The following NXPE2 variants were observed in gnomAD, a reference collection of about 807,000 sequenced individuals.
NXPE2 encodes NXPE family member 2.
NXPE2 carries 34 observed loss-of-function variants against 34.4 expected under a neutral mutation model. The observed-to-expected ratio is 0.99, with a 90% CI of 0.75 to 1.31. The LOEUF (loss-of-function observed/expected upper bound fraction) is 1.31. Among genes scored for constraint, NXPE2 ranks in the 40% most tolerant of loss-of-function variants. The probability of loss-of-function intolerance (pLI) is 0.00; values close to 1 mark genes in which losing one functional copy is unlikely to be tolerated. For missense variants in NXPE2, 649 were observed against 672.5 expected (o/e 0.97, Z 0.39); for synonymous variants, 235 against 231.3 (o/e 1.02, Z -0.15).
At chr11:114,778,054 G>T in the NXPE2 span, among the ~76,000 whole-genome samples, 4 of 152,214 alleles carry the variant, frequency 2.6e-5, no homozygotes, top group African/African-American at 9.7e-5. Flanking sequence ...TTTCAAAGAA[G>T]TGTAGTATTC....
chr11:114,601,916 A>ATATATTATATTATATTTATATATAT, the NXPE2 span, among the ~76,000 whole-genome samples: 4 of 32,842 alleles, frequency 1.2e-4, no homozygotes, highest in Non-Finnish European at 2.0e-4. Flanking sequence ...TTATATAATT[A>ATATATTATATTATATTTATATATAT]TATATAATAT....
chr11:114,775,927 G>C, the NXPE2 span, among the ~76,000 whole-genome samples: 4 of 151,546 alleles, frequency 2.6e-5, no homozygotes, highest in Non-Finnish European at 4.4e-5. Flanking sequence ...GAATGAATCT[G>C]TTCCTGTGGG....
At chr11:114,724,478 T>C in the NXPE2 span, among the ~76,000 whole-genome samples, 4 of 152,166 alleles carry the variant, frequency 2.6e-5, no homozygotes, top group South Asian at 2.1e-4. Context: ...AAAATAACAT[T>C]GTCAGCCTTT....
chr11:114,514,579 A>G, the NXPE2 span, among the ~76,000 whole-genome samples: 1 of 151,878 alleles, frequency 6.6e-6, no homozygotes, highest in Non-Finnish European at 1.5e-5. Flanking sequence ...TGTAGGAATG[A>G]GGTCTCACTA....
chr11:114,783,008 G>A, the NXPE2 span, among the ~76,000 whole-genome samples: 213 of 152,264 alleles, frequency 1.4e-3, 2 homozygotes, highest in African/African-American at 4.4e-3. Flanking sequence ...CGCATAACTC[G>A]AAATCTCACC....
At chr11:114,783,237 T>C in the NXPE2 span, among the ~76,000 whole-genome samples, 6 of 152,210 alleles carry the variant, frequency 3.9e-5, no homozygotes, top group Non-Finnish European at 8.8e-5. Flanking sequence ...TTGCCCAAAG[T>C]AACCATAAAA....
chr11:114,557,993 G>C, the NXPE2 span, among the ~76,000 whole-genome samples: 3 of 151,752 alleles, frequency 2.0e-5, no homozygotes, highest in Non-Finnish European at 4.4e-5. Context: ...ACTGCCCTTT[G>C]TTCCTCTCTT....
chr11:114,466,135 G>A, the NXPE2 span, among the ~76,000 whole-genome samples: 1 of 152,012 alleles, frequency 6.6e-6, no homozygotes, highest in Non-Finnish European at 1.5e-5. Flanking sequence ...TCTGTATGAA[G>A]GTAATTTTTC....
At chr11:114,625,292 C>T in the NXPE2 span, among the ~76,000 whole-genome samples, 13 of 152,004 alleles carry the variant, frequency 8.6e-5, no homozygotes, top group African/African-American at 1.5e-4. Flanking sequence ...CATGCGTAAC[C>T]ACAGTTACCC....
the NXPE2 span, among the ~76,000 whole-genome samples, chr11:114,585,916 C>A: frequency 1.3e-5 from 2 of 152,290 alleles, no homozygotes; most frequent in African/African-American, 4.8e-5. Context: ...CTTCCCTTTT[C>A]TTTGTCACCA....
the NXPE2 span, among the ~76,000 whole-genome samples, chr11:114,611,270 G>T: frequency 6.6e-6 from 1 of 151,612 alleles, no homozygotes; most frequent in East Asian, 2.0e-4. Flanking sequence ...GGTAACCACT[G>T]TTACCCTGTC....
chr11:114,581,840 A>T, the NXPE2 span: 1 of 1,203,042 alleles, frequency 8.3e-7, no homozygotes, highest in East Asian at 2.4e-5. Context: ...ATCAGGAAAC[A>T]TACAGAAACT....
chr11:114,695,590 C>G (rs1172685929), intron 2 of NXPE2, among the ~76,000 whole-genome samples: 1 of 151,872 alleles, frequency 6.6e-6, no homozygotes, highest in Non-Finnish European at 1.5e-5. Flanking sequence ...GGCATCGGAA[C>G]TAGAAAAAGA....
At chr11:114,735,836 G>A in the NXPE2 span, among the ~76,000 whole-genome samples, 2 of 152,144 alleles carry the variant, frequency 1.3e-5, no homozygotes, top group Non-Finnish European at 2.9e-5. Context: ...TGCCTTATCA[G>A]GAGAAATTCA....
chr11:114,569,973 C>T, the NXPE2 span, among the ~76,000 whole-genome samples: 1 of 152,130 alleles, frequency 6.6e-6, no homozygotes, highest in Non-Finnish European at 1.5e-5. Flanking sequence ...GCTTACCTTC[C>T]TACATGGCTG....
At chr11:114,513,842 A>G in the NXPE2 span, among the ~76,000 whole-genome samples, 6 of 151,030 alleles carry the variant, frequency 4.0e-5, no homozygotes, top group Admixed American at 3.3e-4. Context: ...GAAAAAATTA[A>G]CACTTTCAAC....
the NXPE2 span, among the ~76,000 whole-genome samples, chr11:114,589,096 T>C: frequency 6.6e-6 from 1 of 152,018 alleles, no homozygotes; most frequent in Non-Finnish European, 1.5e-5. Flanking sequence ...TTGCTATTGA[T>C]GTGGGAAGTC....
chr11:114,494,507 A>G, the NXPE2 span, among the ~76,000 whole-genome samples: 1 of 152,118 alleles, frequency 6.6e-6, no homozygotes, highest in African/African-American at 2.4e-5. Flanking sequence ...ATTCTTCAAT[A>G]GACCAATTGC....
chr11:114,549,272 G>A, the NXPE2 span, among the ~76,000 whole-genome samples: 20 of 151,878 alleles, frequency 1.3e-4, no homozygotes, highest in Non-Finnish European at 2.1e-4. Context: ...CAATTCTTAC[G>A]AAATAAGTAT....
Sources: allele counts gnomAD v4.1 joint callset (sites outside exome capture counted in the v4.1 genomes callset), GRCh38; gene constraint gnomAD v4.1.1; transcripts MANE v1.5; gene names NCBI Gene and HGNC (gene_info 2026-07-23, HGNC 2026-07-21).